The following TAFA2 variants were observed in gnomAD, a reference collection of about 807,000 sequenced individuals.
TAFA2 encodes TAFA chemokine like family member 2, also known as chemokine-like protein TAFA-2.
In TAFA2, 7 loss-of-function variants were observed where a neutral mutation model predicts 18.8. The ratio of observed to expected loss-of-function variants is 0.37; its 90% CI spans 0.21 to 0.70. TAFA2 has a LOEUF of 0.70. Among genes scored for constraint, TAFA2 ranks in the 30% least tolerant of loss-of-function variants. The pLI is 0.53. For synonymous variants in TAFA2, 60 were observed against 54.2 expected (o/e 1.11, Z -0.47); for missense variants, 122 against 158.1 (o/e 0.77, Z 1.23).
chr12:62,201,368 T>C (rs1184790061), intron 1 of TAFA2, among the ~76,000 whole-genome samples: 1 of 152,202 alleles, frequency 6.6e-6, no homozygotes, highest in Non-Finnish European at 1.5e-5. Flanking sequence ...ACATTGGCTG[T>C]CAGTTTGTCA....
At chr12:62,014,719 T>A (rs1418678363) in intron 1 of TAFA2, among the ~76,000 whole-genome samples, 1 of 152,212 alleles carries the variant, frequency 6.6e-6, no homozygotes, top group Non-Finnish European at 1.5e-5. Flanking sequence ...ATAAAGAAAC[T>A]TGAAGTCAGA....
At chr12:62,123,066 T>C (rs1167221960) in intron 1 of TAFA2, among the ~76,000 whole-genome samples, 1 of 152,190 alleles carries the variant, frequency 6.6e-6, no homozygotes, top group Non-Finnish European at 1.5e-5. Flanking sequence ...CATATTCACT[T>C]TATGGACATT....
chr12:61,770,527 A>G (rs1350514340), intron 2 of TAFA2, among the ~76,000 whole-genome samples: 1 of 152,162 alleles, frequency 6.6e-6, no homozygotes, highest in Admixed American at 6.6e-5. Flanking sequence ...AATCAGATTA[A>G]CAGCAGATTT....
intron 1 of TAFA2, among the ~76,000 whole-genome samples, chr12:61,925,793 TA>T (rs1324108916): frequency 6.6e-6 from 1 of 151,976 alleles, no homozygotes; most frequent in Non-Finnish European, 1.5e-5. Context: ...TTAAAAGAAC[TA>T]GAGAAGAAGA....
chr12:61,714,866 G>A (rs1869574443), intron 4 of TAFA2, among the ~76,000 whole-genome samples: 1 of 152,176 alleles, frequency 6.6e-6, no homozygotes, highest in Non-Finnish European at 1.5e-5. Context: ...TTATCCGCAG[G>A]AGGTAACATA....
intron 1 of TAFA2, among the ~76,000 whole-genome samples, chr12:62,219,340 T>C (rs1407813648): frequency 2.0e-5 from 3 of 152,146 alleles, no homozygotes; most frequent in African/African-American, 7.2e-5. Flanking sequence ...ATAGAAAACT[T>C]GAAGAAGTTG....
intron 1 of TAFA2, among the ~76,000 whole-genome samples, chr12:62,172,233 C>T (rs1254013620): frequency 2.0e-5 from 3 of 152,060 alleles, no homozygotes; most frequent in African/African-American, 7.2e-5. Context: ...CTCCCTTCCT[C>T]CCTTCCTTCC....
At chr12:62,072,486 A>G (rs922518695) in intron 1 of TAFA2, among the ~76,000 whole-genome samples, 8 of 151,522 alleles carry the variant, frequency 5.3e-5, no homozygotes, top group African/African-American at 1.9e-4. Context: ...AATAATAATA[A>G]TAATCCATTC....
At chr12:62,070,529 AT>A (rs1360924840) in intron 1 of TAFA2, 1 of 152,200 alleles carries the variant, frequency 6.6e-6, no homozygotes, top group East Asian at 1.9e-4. Context: ...GCATAGCTCT[AT>A]TCTCTTGCCT....
chr12:61,915,332 G>C (rs1328600102), intron 1 of TAFA2, among the ~76,000 whole-genome samples: 1 of 152,124 alleles, frequency 6.6e-6, no homozygotes, highest in Non-Finnish European at 1.5e-5. Flanking sequence ...CCACCAAGGG[G>C]CCATCCCATA....
intron 1 of TAFA2, chr12:62,235,403 A>T: frequency 1.5e-6 from 1 of 648,534 alleles, no homozygotes; most frequent in Non-Finnish European, 2.8e-6. Context: ...AAGATGAGTC[A>T]TGTTCAAGAT....
At chr12:61,723,108 G>C (rs1299730912) in intron 4 of TAFA2, among the ~76,000 whole-genome samples, 1 of 152,028 alleles carries the variant, frequency 6.6e-6, no homozygotes, top group East Asian at 1.9e-4. Context: ...GTTTGTTTTA[G>C]CTTTGCCTAA....
rs139506853 is a variant in TAFA2 at position 62,130,594 on chromosome 12, C to A, written c.-2+60665G>T. On this transcript the variant is annotated intron_variant, in intron 1 of 4. Transcript: ENST00000416284. ...GACTATTCACATGTGTTCCTCTTTT[C>A]GTTTCACTGGACATTTCCTGAGTAC... is the stretch of plus-strand genomic sequence containing the variant. Among the ~76,000 whole-genome samples the A allele has an allele frequency of 4.0e-3, 608 of 152,006 alleles. 4 individuals carry two copies. The highest frequency in any genetic ancestry group is 0.014 in the African/African-American group (574 of 41,498).
At chr12:62,220,858 A>AGG (rs2062757482) in intron 1 of TAFA2, among the ~76,000 whole-genome samples, 1 of 152,170 alleles carries the variant, frequency 6.6e-6, no homozygotes, top group Admixed American at 6.5e-5. Context: ...CTGTAAGACC[A>AGG]GCACTTTGGT....
intron 1 of TAFA2, among the ~76,000 whole-genome samples, chr12:61,903,226 G>C (rs1439006746): frequency 6.6e-6 from 1 of 152,014 alleles, no homozygotes; most frequent in Non-Finnish European, 1.5e-5. Flanking sequence ...TAACCTAATA[G>C]ACTACTAGGG....
intron 1 of TAFA2, chr12:62,104,776 A>T (rs1257129683): frequency 4.4e-6 from 2 of 451,900 alleles, no homozygotes; most frequent in South Asian, 1.6e-5. Flanking sequence ...GTGTAAGCTA[A>T]CTGGCTTTCT....
chr12:62,039,567 A>C (rs1881703604), intron 1 of TAFA2, among the ~76,000 whole-genome samples: 1 of 152,162 alleles, frequency 6.6e-6, no homozygotes, highest in South Asian at 2.1e-4. Flanking sequence ...GGAGCTTAGA[A>C]TAGGACTTTT....
chr12:61,917,816 T>C (rs1001297827), intron 1 of TAFA2, among the ~76,000 whole-genome samples: 1 of 152,150 alleles, frequency 6.6e-6, no homozygotes, highest in African/African-American at 2.4e-5. Context: ...GTAAAAAAAG[T>C]ACTTTGGCCA....
At chr12:61,989,787 G>A (rs935385679) in intron 1 of TAFA2, among the ~76,000 whole-genome samples, 3 of 152,192 alleles carry the variant, frequency 2.0e-5, no homozygotes, top group Admixed American at 6.5e-5. Context: ...AATAGAGAGA[G>A]GGATATGTGG....
Sources: gnomAD v4.1 joint callset for allele counts (sites outside exome capture counted in the v4.1 genomes callset) on GRCh38, gnomAD v4.1.1 for gene constraint, MANE v1.5 for transcripts, NCBI Gene and HGNC (gene_info 2026-07-23, HGNC 2026-07-21) for gene names.